The following ZNF438 variants were observed in gnomAD, a reference collection of about 807,000 sequenced individuals.
ZNF438 encodes the protein zinc finger protein 438.
In ZNF438, 25 loss-of-function variants were observed where a neutral mutation model predicts 38.0. The observed-to-expected ratio is 0.66, with a 90% CI of 0.48 to 0.92. The LOEUF is 0.92. Ranked by LOEUF, ZNF438 falls within the 40% of genes least tolerant of loss-of-function variation. ZNF438 has a pLI of 0.00. For synonymous variants in ZNF438, 372 were observed against 364.1 expected (o/e 1.02, Z -0.25); for missense variants, 1,007 against 999.6 (o/e 1.01, Z -0.10).
intron 5 of ZNF438, 138 bp downstream of exon 6, chr10:30,848,393 G>C: frequency 1.0e-6 from 1 of 973,162 alleles, no homozygotes; most frequent in Non-Finnish European, 1.5e-6. Flanking sequence ...CACAGATCTA[G>C]GAGGTATACA....
chr10:30,928,817 G>A (rs1344923742), intron 2 of ZNF438, among the ~76,000 whole-genome samples: 1 of 152,122 alleles, frequency 6.6e-6, no homozygotes, highest in Non-Finnish European at 1.5e-5. Flanking sequence ...TGTCCAGCTG[G>A]AGTGAGGTGA....
chr10:30,979,213 A>C (rs2051806570), intron 1 of ZNF438, among the ~76,000 whole-genome samples: 1 of 152,220 alleles, frequency 6.6e-6, no homozygotes, highest in Admixed American at 6.5e-5. Flanking sequence ...CAAGGACATT[A>C]ATGTTGTTTT....
rs532015895 is a variant in ZNF438 at position 30,931,787 on chromosome 10, C to G, written c.-115+9788G>C. On this transcript the variant is annotated intron_variant, in intron 2 of 5. Transcript: ENST00000413025. ...GAGCTCTCAGATTGTTAATAAAGAT[C>G]AAGTTGTGTAATTATTTTATGTAAA... 1.5e-3 allele frequency among the ~76,000 whole-genome samples: 221 copies of G among 152,238 alleles called. 2 individuals are homozygous for G. The South Asian group carries it at 0.021, about 14-fold the overall frequency.
chr10:31,001,718 G>C (rs879483463), intron 1 of ZNF438, among the ~76,000 whole-genome samples: 4 of 152,088 alleles, frequency 2.6e-5, no homozygotes, highest in African/African-American at 9.7e-5. Context: ...TTGCACTTTA[G>C]TGATCATGTT....
At chr10:30,844,704 TTTA>T (rs1245678172) in exon 6 of ZNF438, 2 of 387,516 alleles carry the variant, frequency 5.2e-6, no homozygotes, top group Non-Finnish European at 9.1e-6. Context: ...TTTTGATCTT[TTTA>T]TTTATTCTGA....
intron 3 of ZNF438, among the ~76,000 whole-genome samples, chr10:30,892,359 G>A: frequency 6.6e-6 from 1 of 152,158 alleles, no homozygotes; most frequent in Non-Finnish European, 1.5e-5. Flanking sequence ...ATGTGTGAAT[G>A]TGAACACATA....
At chr10:30,974,529 G>A (rs919109988) in intron 1 of ZNF438, among the ~76,000 whole-genome samples, 3 of 152,158 alleles carry the variant, frequency 2.0e-5, no homozygotes, top group Admixed American at 6.5e-5. Context: ...AGTCACTCTA[G>A]TACCAGATTA....
intron 2 of ZNF438, among the ~76,000 whole-genome samples, chr10:30,926,602 G>A (rs976962309): frequency 1.3e-5 from 2 of 151,804 alleles, no homozygotes; most frequent in African/African-American, 4.8e-5. Context: ...GAAGGCAGAG[G>A]TTGCAGTGAG....
intron 1 of ZNF438, among the ~76,000 whole-genome samples, chr10:31,004,847 C>G (rs952889627): frequency 1.3e-5 from 2 of 152,022 alleles, no homozygotes; most frequent in Non-Finnish European, 2.9e-5. Flanking sequence ...AATACTTTTC[C>G]CACATCAATA....
intron 4 of ZNF438, among the ~76,000 whole-genome samples, chr10:30,856,853 TA>T (rs1456793252): frequency 6.6e-6 from 1 of 152,232 alleles, no homozygotes; most frequent in African/African-American, 2.4e-5. Flanking sequence ...TTAAGCATAC[TA>T]AAATAACAAT....
intron 2 of ZNF438, among the ~76,000 whole-genome samples, chr10:30,937,489 T>C (rs2046377176): frequency 6.6e-6 from 1 of 152,178 alleles, no homozygotes; most frequent in African/African-American, 2.4e-5. Context: ...AATGATTATG[T>C]TAAAGGTCAT....
chr10:31,029,597 C>T (rs2057155385), intron 1 of ZNF438, among the ~76,000 whole-genome samples: 1 of 152,212 alleles, frequency 6.6e-6, no homozygotes, highest in South Asian at 2.1e-4. Flanking sequence ...CATCATTTCA[C>T]CTGCAGGGCA....
At chr10:30,899,230 T>TA (rs901951385) in intron 3 of ZNF438, among the ~76,000 whole-genome samples, 4 of 151,672 alleles carry the variant, frequency 2.6e-5, no homozygotes, top group South Asian at 2.1e-4. Flanking sequence ...GTATAAACTT[T>TA]AAAAAAAAGG....
intron 4 of ZNF438, among the ~76,000 whole-genome samples, chr10:30,865,551 C>T (rs1053983056): frequency 2.6e-5 from 4 of 152,196 alleles, no homozygotes; most frequent in African/African-American, 9.7e-5. Context: ...ACTGATGACA[C>T]TAAAGAACAC....
chr10:30,875,204 G>A, intron 4 of ZNF438: 1 of 959,738 alleles, frequency 1.0e-6, no homozygotes, highest in Middle Eastern at 5.3e-4. Flanking sequence ...TGATAGCCCA[G>A]AGAGGTAGGC....
chr10:30,870,402 T>C (rs1241131340), intron 4 of ZNF438, among the ~76,000 whole-genome samples: 1 of 146,472 alleles, frequency 6.8e-6, no homozygotes, highest in Non-Finnish European at 1.5e-5. Flanking sequence ...ACACGCATCC[T>C]TTTTACATTT....
chr10:31,000,366 A>G (rs761005645), intron 1 of ZNF438, among the ~76,000 whole-genome samples: 20 of 152,250 alleles, frequency 1.3e-4, no homozygotes, highest in Non-Finnish European at 2.5e-4. Flanking sequence ...CCCCACTGCC[A>G]GACCTATTGA....
intron 3 of ZNF438, among the ~76,000 whole-genome samples, chr10:30,891,829 G>T (rs969089731): frequency 6.6e-6 from 1 of 152,138 alleles, no homozygotes; most frequent in African/African-American, 2.4e-5. Context: ...ATAAGAAAAA[G>T]ATTTGAGTCT....
At chr10:30,915,455 A>C (rs138813140) in intron 2 of ZNF438, among the ~76,000 whole-genome samples, 1 of 152,180 alleles carries the variant, frequency 6.6e-6, no homozygotes, top group Non-Finnish European at 1.5e-5. Context: ...TAGCACTATG[A>C]ATTTATTATT....
Sources: gnomAD v4.1 joint callset for allele counts (sites outside exome capture counted in the v4.1 genomes callset) on GRCh38, gnomAD v4.1.1 for gene constraint, MANE v1.5 for transcripts, NCBI Gene and HGNC (gene_info 2026-07-23, HGNC 2026-07-21) for gene names.